PRKAR1B: variants seen among roughly 807,000 people sequenced by gnomAD.
PRKAR1B encodes the protein protein kinase cAMP-dependent type I regulatory subunit beta, also known as cAMP-dependent protein kinase type I-beta regulatory subunit.
In PRKAR1B, 22 loss-of-function variants were observed where a neutral mutation model predicts 46.5. The observed-to-expected ratio is 0.47, with a 90% CI of 0.34 to 0.68. The LOEUF (loss-of-function observed/expected upper bound fraction) is 0.68. Ranked by LOEUF, PRKAR1B falls within the 30% of genes least tolerant of loss-of-function variation. The pLI, the probability that PRKAR1B is intolerant of heterozygous loss-of-function variation, is 0.01. For missense variants in PRKAR1B, 445 were observed against 535.6 expected, an observed-to-expected ratio of 0.83 and a Z score of 1.67; for synonymous variants, 259 against 217.7, an observed-to-expected ratio of 1.19 and a Z score of -1.67.
At chr7:670,055 A>G (rs892260291) in intron 4 of PRKAR1B, among the ~76,000 whole-genome samples, 1 of 151,420 alleles carries the variant, frequency 6.6e-6, no homozygotes, top group Non-Finnish European at 1.5e-5. Flanking sequence ...TTTTTAGTAG[A>G]GACTGGGTTT....
At chr7:680,002 C>T (rs918842561) in intron 3 of PRKAR1B, among the ~76,000 whole-genome samples, 1 of 151,706 alleles carries the variant, frequency 6.6e-6, no homozygotes, top group Non-Finnish European at 1.5e-5. Flanking sequence ...ACTAAAAATA[C>T]AAAAAATTAG....
intron 8 of PRKAR1B, among the ~76,000 whole-genome samples, chr7:583,473 ACACC>A (rs1226727919): frequency 7.7e-6 from 1 of 129,544 alleles, no homozygotes; most frequent in African/African-American, 2.9e-5. Flanking sequence ...ACGTGCACTC[ACACC>A]CACGCACACA....
In PRKAR1B at chr7:583,552, A is replaced by G. The variant is rs553750044; in HGVS notation, c.769+956T>C. ...ACACCCACTCACACACGTGCCAAAC[A>G]CATGCGTGCACACCCATGCACACAC... On this transcript the variant is annotated intron_variant, in intron 8 of 10. Transcript: ENST00000537384. 1.1e-3 allele frequency among the ~76,000 whole-genome samples: 55 copies of G among 51,386 alleles called. 5 individuals are homozygous for G. The highest frequency in any genetic ancestry group is 1.6e-3 in the Non-Finnish European group (40 of 24,348). The allele number at this position is 51,386 out of a possible 152,430, so 33.7% of individuals were successfully genotyped here.
intron 1 of PRKAR1B, among the ~76,000 whole-genome samples, chr7:715,073 C>T (rs1780825648): frequency 6.6e-6 from 1 of 152,140 alleles, no homozygotes; most frequent in Admixed American, 6.5e-5. Context: ...TAATCCCCAG[C>T]TACTCAGAAA....
intron 4 of PRKAR1B, among the ~76,000 whole-genome samples, chr7:657,366 T>A (rs867700796): frequency 1.3e-5 from 2 of 151,972 alleles, no homozygotes; most frequent in African/African-American, 4.8e-5. Context: ...AATGAAGGAA[T>A]TGATGCATGA....
At chr7:717,221 A>G (rs7809314) in intron 1 of PRKAR1B, among the ~76,000 whole-genome samples, 32,634 of 151,862 alleles carry the variant, frequency 0.21, 4,030 homozygotes, top group East Asian at 0.4. Flanking sequence ...CCCAAGAGGC[A>G]GAGGTCATAG....
At chr7:572,136 G>T (rs1779556403) in intron 9 of PRKAR1B, among the ~76,000 whole-genome samples, 1 of 152,172 alleles carries the variant, frequency 6.6e-6, no homozygotes, top group African/African-American at 2.4e-5. Flanking sequence ...GCCTCACAAG[G>T]ACGCAGGACG....
chr7:566,430 CATCACCATCACCACA>C, intron 9 of PRKAR1B, among the ~76,000 whole-genome samples: 1 of 532 alleles, frequency 1.9e-3, no homozygotes, highest in Non-Finnish European at 3.7e-3. Context: ...CCATCACCAC[CATCACCATCACCACA>C]ACCATCATCA....
chr7:578,086 C>T (rs1360038169), intron 9 of PRKAR1B, among the ~76,000 whole-genome samples: 13 of 152,186 alleles, frequency 8.5e-5, no homozygotes, highest in East Asian at 3.8e-4. Context: ...CAATGGTGCA[C>T]GGGTGGGCGT....
intron 5 of PRKAR1B, 94 bp from the exon 6 acceptor site, chr7:606,333 G>A: frequency 3.5e-6 from 4 of 1,134,308 alleles, no homozygotes; most frequent in Non-Finnish European, 3.9e-6. Flanking sequence ...CACTGTTGCA[G>A]AGACCCTCGA....
intron 4 of PRKAR1B, among the ~76,000 whole-genome samples, chr7:626,008 C>CAAAAAA (rs71016892): frequency 9.0e-6 from 1 of 110,588 alleles, no homozygotes; most frequent in Non-Finnish European, 1.8e-5. Context: ...AACTCCATCT[C>CAAAAAA]AAAAAAAAAA....
At chr7:627,899 G>A (rs1007304496) in intron 4 of PRKAR1B, among the ~76,000 whole-genome samples, 2 of 152,194 alleles carry the variant, frequency 1.3e-5, no homozygotes, top group African/African-American at 2.4e-5. Flanking sequence ...CCAGGTTGCC[G>A]GGAAATGGGG....
intron 2 of PRKAR1B, among the ~76,000 whole-genome samples, chr7:703,847 T>C (rs546285503): frequency 6.6e-6 from 1 of 151,974 alleles, no homozygotes; most frequent in South Asian, 2.1e-4. Flanking sequence ...AAAATAAAGA[T>C]TCAAAACCAT....
At chr7:588,575 GA>G (rs1780748857) in intron 7 of PRKAR1B, among the ~76,000 whole-genome samples, 1 of 151,210 alleles carries the variant, frequency 6.6e-6, no homozygotes, top group African/African-American at 2.4e-5. Context: ...TGTTGGTGAG[GA>G]TAGTGACAGT....
rs765748028 is a variant in PRKAR1B at position 602,277 on chromosome 7, C to T, written c.549+3916G>A. 4.1e-5 allele frequency among the ~76,000 whole-genome samples: 4 copies of T among 97,272 alleles called. No homozygotes were observed. Among genetic ancestry groups the T allele is most frequent in the East Asian group, 4.0e-4 (1 of 2,494 alleles). The allele number at this position is 97,272 out of a possible 152,430, so 63.8% of individuals were successfully genotyped here. ...CTGTCATGTATGAAGGAGTTACAGA[C>T]GGCGGCGGGGGGAGGGGGGGTCTGT... On this transcript the variant is annotated intron_variant, in intron 6 of 10. Transcript: ENST00000537384. The surrounding 1 kb of genome is among the most constrained non-coding windows in gnomAD (Gnocchi z 6.4).
intron 4 of PRKAR1B, among the ~76,000 whole-genome samples, chr7:613,202 G>A (rs1397072382): frequency 6.6e-6 from 1 of 151,556 alleles, no homozygotes; most frequent in Admixed American, 6.6e-5. Context: ...GAGGGGGTGG[G>A]GTTGGGGTCA....
intron 4 of PRKAR1B, among the ~76,000 whole-genome samples, chr7:616,276 G>A (rs1280591025): frequency 6.6e-6 from 1 of 152,246 alleles, no homozygotes; most frequent in African/African-American, 2.4e-5. Context: ...GACTCGCAGG[G>A]CCTGGAGAGG....
Position 664,753 on chromosome 7 carries a change from T to TA in PRKAR1B, c.440+12475dup, listed in dbSNP as rs574809054. 1.2e-3 allele frequency among the ~76,000 whole-genome samples: 168 copies of TA among 137,162 alleles called. 2 individuals carry two copies. Among genetic ancestry groups the TA allele is most frequent in the Admixed American group, 3.0e-3 (41 of 13,776 alleles). 90.0% of individuals were successfully genotyped at this position (137,162 alleles called of 152,430 possible). A position where few individuals can be genotyped will look rare whatever the true frequency, so the allele number is the denominator to read the frequency against. ...AGCGAGACTCTGTCTCTACAAAAAC[T>TA]AAAAAAAAAAAATAGCTGGGTGTGG... On this transcript the variant is annotated intron_variant, in intron 4 of 10. Coordinates refer to ENST00000537384, the MANE Select transcript of PRKAR1B (RefSeq NM_001164760.2).
chr7:584,820 G>C lies in PRKAR1B; in HGVS notation c.709-252C>G, dbSNP rs1039761153. On this transcript the variant is annotated intron_variant, in intron 7 of 10. Transcript: ENST00000537384. ...TTGCTAAGTGTCCTGGCTGGCAGCA[G>C]AGTTCCCCACCCAGCCAGGACCCGT... 7.9e-5 allele frequency among the ~76,000 whole-genome samples: 12 copies of C among 152,124 alleles called. 1 individual carries two copies. Among genetic ancestry groups the C allele is most frequent in the Admixed American group, 7.9e-4 (12 of 15,276 alleles).
Sources: gnomAD v4.1 joint callset for allele counts (sites outside exome capture counted in the v4.1 genomes callset) on GRCh38, gnomAD v4.1.1 for gene constraint, Gnocchi (gnomAD v3.1) non-coding constraint, MANE v1.5 for transcripts, NCBI Gene and HGNC (gene_info 2026-07-23, HGNC 2026-07-21) for gene names.